PNPLA8: variants seen among roughly 807,000 people sequenced by gnomAD.
The protein encoded by PNPLA8 is calcium-independent phospholipase A2-gamma.
A neutral mutation model predicts 76.9 loss-of-function variants in PNPLA8; 39 were observed. That is an observed-to-expected ratio of 0.51 (90% CI 0.39 to 0.66). The LOEUF (loss-of-function observed/expected upper bound fraction) is 0.66. Among genes scored for constraint, PNPLA8 ranks in the 30% least tolerant of loss-of-function variants. The pLI is 0.00. For synonymous variants in PNPLA8, 301 were observed against 307.9 expected (o/e 0.98, Z 0.24); for missense variants, 887 against 918.0 (o/e 0.97, Z 0.44).
At chr7:108,497,419 G>C (rs1259217087) in intron 6 of PNPLA8, 64 bp downstream of exon 6, 13 of 1,090,600 alleles carry the variant, frequency 1.2e-5, no homozygotes, top group Middle Eastern at 2.0e-4. Flanking sequence ...TTAAACATAA[G>C]TGCTTAATGT....
intron 4 of PNPLA8, chr7:108,510,781 C>A: frequency 1.2e-6 from 2 of 1,601,466 alleles, no homozygotes; most frequent in South Asian, 1.1e-5. Flanking sequence ...AATATGGCAT[C>A]ATCTGCATGG....
At chr7:108,492,587 A>G (rs987014030) in intron 7 of PNPLA8, among the ~76,000 whole-genome samples, 5 of 152,192 alleles carry the variant, frequency 3.3e-5, no homozygotes, top group Admixed American at 1.3e-4. Flanking sequence ...AAGCAATGGT[A>G]ATTGTTTATT....
At chr7:108,511,678 A>C (rs193187359) in intron 4 of PNPLA8, among the ~76,000 whole-genome samples, 23 of 152,314 alleles carry the variant, frequency 1.5e-4, no homozygotes, top group African/African-American at 4.6e-4. Context: ...TGACTTGGAG[A>C]AATAGTCAGA....
rs1364037667 is a variant in PNPLA8, at chr7:108,478,957, T to C, written c.2074+227A>G. On this transcript the variant is annotated intron_variant, in intron 10 of 10. Transcript: ENST00000257694. ...CTTTAGGTACTTCTCCAACAGTAAG[T>C]GGGCAAAGGTAGCACTATCTCTCAA... Among the ~76,000 whole-genome samples, 4 of 152,306 alleles carry C rather than the reference T, an allele frequency of 2.6e-5. No homozygotes were observed. In the East Asian group the frequency reaches 7.7e-4, roughly 29 times the overall value.
rs567750749 is a variant in PNPLA8 at position 108,472,300 on chromosome 7, C to T, written c.*101G>A. 3.3e-5 allele frequency: 26 copies of T among 780,404 alleles called. No individual in the cohort carries two copies. The highest frequency in any genetic ancestry group is 1.1e-4 in the African/African-American group (6 of 56,934). The allele number at this position is 780,404 out of a possible 1,614,324, so 48.3% of individuals were successfully genotyped here. A position where few individuals can be genotyped will look rare whatever the true frequency, so the allele number is the denominator to read the frequency against. On this transcript the variant is annotated 3_prime_UTR_variant, in exon 11 of 11. Coordinates refer to ENST00000257694, the MANE Select transcript of PNPLA8 (RefSeq NM_001256007.3). ...TTTTCAGGATTCTCCAGAATTCATA[C>T]GTATTTCAAAGTTAACTCATGTCGA...
intron 6 of PNPLA8, among the ~76,000 whole-genome samples, chr7:108,497,141 G>C (rs181903923): frequency 1.1e-3 from 170 of 152,220 alleles, no homozygotes; most frequent in African/African-American, 4.0e-3. Flanking sequence ...GAATTACTTA[G>C]TTTTAGTCAC....
intron 1 of PNPLA8, among the ~76,000 whole-genome samples, chr7:108,523,654 C>T (rs950095462): frequency 6.6e-6 from 1 of 152,182 alleles, no homozygotes; most frequent in Non-Finnish European, 1.5e-5. Context: ...GTGAGCTGTC[C>T]TCTCTTGCTG....
At chr7:108,521,888 G>C (rs747224630) in intron 1 of PNPLA8, among the ~76,000 whole-genome samples, 2 of 152,198 alleles carry the variant, frequency 1.3e-5, no homozygotes, top group African/African-American at 4.8e-5. Flanking sequence ...TCTTGGCCAA[G>C]GGCATTCCAG....
In PNPLA8 at chr7:108,502,506, T is replaced by C. The variant is rs771333318; in HGVS notation, c.1343A>G (p.Asp448Gly). ...CTAGCCTTACCTTGTTCCTCCACCA[T>C]CAATTGAGAGAATTCGGATTCCTCT... ...KGRGIRILSI[D>G]GGGTRGVVAL... Residue 448 changes from aspartate (D) to glycine (G), a missense_variant, in exon 5 of 11, where the codon GAT becomes GGT. Asp to Gly is a moderately conservative substitution (Grantham distance 94, BLOSUM62 -1). Coordinates refer to ENST00000257694, the MANE Select transcript of PNPLA8 (RefSeq NM_001256007.3). 2.0e-6 allele frequency: 2 copies of C among 1,019,598 alleles called. No individual in the cohort carries two copies. Among genetic ancestry groups the C allele is most frequent in the Non-Finnish European group, 2.9e-6 (2 of 695,870 alleles). 63.2% of individuals were successfully genotyped at this position (1,019,598 alleles called of 1,614,324 possible). A position where few individuals can be genotyped will look rare whatever the true frequency, so the allele number is the denominator to read the frequency against.
chr7:108,496,821 G>A, intron 6 of PNPLA8, 66 bp from the exon 7 acceptor site: 5 of 1,264,450 alleles, frequency 4.0e-6, no homozygotes, highest in Non-Finnish European at 5.5e-6. Context: ...AAGATTTCCT[G>A]AATCATAGTT....
Position 108,472,397 on chromosome 7 carries a change from C to A in PNPLA8, c.*4G>T. The A allele has an allele frequency of 6.5e-7, 1 of 1,546,396 alleles. No individual in the cohort carries two copies. Among genetic ancestry groups the A allele is most frequent in the South Asian group, 1.2e-5 (1 of 81,458 alleles). On this transcript the variant is annotated 3_prime_UTR_variant, in exon 11 of 11. Coordinates refer to ENST00000257694, the MANE Select transcript of PNPLA8 (RefSeq NM_001256007.3). ...TCATTTATGAGAACATAAGCATATA[C>A]TCATCACAATTTTGAAAAGAATGGA...
chr7:108,515,828 A>G (rs899703458), intron 2 of PNPLA8, among the ~76,000 whole-genome samples: 2 of 152,248 alleles, frequency 1.3e-5, no homozygotes, highest in Non-Finnish European at 2.9e-5. Flanking sequence ...AAGTTTCCCA[A>G]TAGATAAGTC....
intron 1 of PNPLA8, among the ~76,000 whole-genome samples, chr7:108,522,845 T>C (rs921143835): frequency 6.6e-6 from 1 of 152,138 alleles, no homozygotes; most frequent in Non-Finnish European, 1.5e-5. Context: ...TATTACAAGA[T>C]TAGACAATTT....
intron 4 of PNPLA8, chr7:108,510,260 G>A (rs1563975795): frequency 6.4e-7 from 1 of 1,557,890 alleles, no homozygotes; most frequent in South Asian, 1.1e-5. Flanking sequence ...GAAGAAGAAG[G>A]TTCCTGCTGT....
intron 4 of PNPLA8, among the ~76,000 whole-genome samples, chr7:108,511,294 G>A (rs1006573614): frequency 6.6e-6 from 1 of 152,162 alleles, no homozygotes; most frequent in Non-Finnish European, 1.5e-5. Context: ...ATGAGATAAT[G>A]CTTCTAGCAC....
At chr7:108,519,056 T>A (rs1863559950) in intron 2 of PNPLA8, among the ~76,000 whole-genome samples, 3 of 135,980 alleles carry the variant, frequency 2.2e-5, no homozygotes, top group Admixed American at 7.4e-5. Flanking sequence ...TGAGATAAAA[T>A]CGAGGGAAGT....
rs1022911866 is a variant in PNPLA8 at position 108,492,057 on chromosome 7, A to G, written c.1626-590T>C. Among the ~76,000 whole-genome samples, 50 of 152,220 alleles carry G rather than the reference A, an allele frequency of 3.3e-4. 1 individual carries two copies. Among genetic ancestry groups the G allele is most frequent in the African/African-American group, 1.0e-3 (43 of 41,456 alleles). On this transcript the variant is annotated intron_variant, in intron 7 of 10. Coordinates refer to ENST00000257694, the MANE Select transcript of PNPLA8 (RefSeq NM_001256007.3). ...TTGTCCTTGGGCAGCAATTTTTGCAATTCCATAATAAGAGAATTTTATTTC... is the reference window on the plus strand; with the variant it reads ...TTGTCCTTGGGCAGCAATTTTTGCAGTTCCATAATAAGAGAATTTTATTTC...
intron 9 of PNPLA8, 40 bp downstream of exon 9, chr7:108,487,719 A>G: frequency 7.8e-7 from 1 of 1,282,820 alleles, no homozygotes; most frequent in Non-Finnish European, 1.1e-6. Flanking sequence ...TCTTTTAATC[A>G]TGTAAAATTT....
upstream of PNPLA8, among the ~76,000 whole-genome samples, chr7:108,526,994 T>G (rs905692345): frequency 1.3e-5 from 2 of 152,272 alleles, no homozygotes; most frequent in African/African-American, 4.8e-5. Context: ...ATGCTGTTAA[T>G]TAAAGCTTTT....
Sources: gnomAD v4.1 joint callset for allele counts (sites outside exome capture counted in the v4.1 genomes callset) on GRCh38, gnomAD v4.1.1 for gene constraint, MANE v1.5 for transcripts, NCBI Gene and HGNC (gene_info 2026-07-23, HGNC 2026-07-21) for gene names.